Variants in BTK observed in about 807,000 individuals in gnomAD.
The protein encoded by BTK is tyrosine-protein kinase BTK.
In BTK, 5 loss-of-function variants were observed where a neutral mutation model predicts 57.4. The ratio of observed to expected loss-of-function variants is 0.09; its 90% CI spans 0.05 to 0.18. The LOEUF (loss-of-function observed/expected upper bound fraction) is 0.18, where lower values mean the gene tolerates loss of function less well. Ranked by LOEUF, BTK falls within the 10% of genes least tolerant of loss-of-function variation. The probability of loss-of-function intolerance (pLI) is 1.00; values close to 1 mark genes in which losing one functional copy is unlikely to be tolerated. For synonymous variants in BTK, 154 were observed against 174.3 expected (o/e 0.88, Z 0.92); for missense variants, 194 against 501.2 (o/e 0.39, Z 5.85).
At chrX:101,362,824 A>C in intron 5 of BTK, 135 bp from the exon 6 acceptor site, 5 of 905,716 alleles carry the variant, frequency 5.5e-6, no homozygotes, top group Non-Finnish European at 8.0e-6. Context: ...AGAGCAGATC[A>C]CAGGACCAGT....
At chrX:101,363,678 C>T (rs189606844) in intron 5 of BTK, among the ~76,000 whole-genome samples, 1 of 105,342 alleles carries the variant, frequency 9.5e-6, no homozygotes, top group East Asian at 3.0e-4. Flanking sequence ...TGCACTCCAG[C>T]CTGGGTGACA....
chrX:101,356,685 C>T (rs1267028437), intron 14 of BTK, 99 bp downstream of exon 14: 36 of 1,036,913 alleles, frequency 3.5e-5, no homozygotes, highest in Admixed American at 3.1e-4. Context: ...CGTCCCAAAC[C>T]TCTCTTACTG....
At chrX:101,355,994 C>T (rs782571484) in intron 15 of BTK, 58 bp downstream of exon 15, 1 of 1,105,766 alleles carries the variant, frequency 9.0e-7, no homozygotes, top group Non-Finnish European at 1.3e-6. Flanking sequence ...ATATATCTTC[C>T]ACTGCTACTT....
chrX:101,370,278 G>A (rs1418107989), intron 4 of BTK, among the ~76,000 whole-genome samples, 199 bp from the exon 5 acceptor site: 2 of 111,913 alleles, frequency 1.8e-5, no homozygotes, highest in Non-Finnish European at 3.8e-5. Context: ...GGAATGTAGC[G>A]TTTAAAAGCT....
intron 1 of BTK, among the ~76,000 whole-genome samples, chrX:101,385,463 G>C (rs1165045408): frequency 8.9e-6 from 1 of 112,178 alleles, no homozygotes; most frequent in African/African-American, 3.2e-5. Context: ...TTGTTACCAC[G>C]AGGTTGGCAC....
At chrX:101,379,860 T>C (rs1462508321) in intron 1 of BTK, among the ~76,000 whole-genome samples, 1 of 112,309 alleles carries the variant, frequency 8.9e-6, no homozygotes, top group East Asian at 2.8e-4. Flanking sequence ...CTCTGGTAAC[T>C]GTCAACTATA....
intron 13 of BTK, among the ~76,000 whole-genome samples, chrX:101,357,262 TA>T (rs1926513552): frequency 9.0e-6 from 1 of 111,401 alleles, no homozygotes; most frequent in Non-Finnish European, 1.9e-5. Flanking sequence ...TTCCCACAAT[TA>T]AAAATAAAAG....
Position 101,354,700 on chromosome X carries a change from G to A in BTK, c.1567-6C>T. On this transcript the variant is annotated splice_region_variant and splice_polypyrimidine_tract_variant and intron_variant, in intron 15 of 18. Transcript: ENST00000308731. The stretch of plus-strand genomic sequence containing the variant: ...ACCAAACAGTTTCGAGCTGCCTGTA[G>A]TGCAAACAGAGACCAGTGAGACTCC... 8.3e-7 allele frequency: 1 copy of A among 1,210,254 alleles called. No homozygotes were observed. The highest frequency in any genetic ancestry group is 1.8e-5 in the South Asian group (1 of 56,952).
At chrX:101,364,453 A>G (rs1926787400) in intron 5 of BTK, among the ~76,000 whole-genome samples, 1 of 109,877 alleles carries the variant, frequency 9.1e-6, no homozygotes, top group Admixed American at 9.7e-5. Flanking sequence ...GAAACAACTC[A>G]AATCCTTAAG....
At chrX:101,376,921 C>G (rs1248864830) in intron 1 of BTK, among the ~76,000 whole-genome samples, 1 of 111,245 alleles carries the variant, frequency 9.0e-6, no homozygotes, top group African/African-American at 3.3e-5. Flanking sequence ...TTATTTTGCT[C>G]TTTCCTGTGG....
At position 101,356,894 on chromosome X, in the gene BTK, A is replaced by G. The variant is rs150990075; in HGVS notation, c.1239T>C (p.Phe413=). 24 of 1,210,024 alleles carry G rather than the reference A, an allele frequency of 2.0e-5. No individual in the cohort carries two copies. The African/African-American group carries it at 3.3e-4, about 17-fold the overall frequency. Residue 413 remains phenylalanine, a synonymous_variant, in exon 14 of 19, where the codon TTT becomes TTC. Coordinates refer to ENST00000308731, the MANE Select transcript of BTK (RefSeq NM_000061.3). ...TCCATTTCCCATACTTCACTACCCC[A>G]AATTGTCCAGTCCCCAGCTCCTTCA... ...TFLKELGTGQ[F]GVVKYGKWRG...
upstream of BTK, among the ~76,000 whole-genome samples, chrX:101,387,328 C>T (rs1326643968): frequency 3.8e-5 from 4 of 106,432 alleles, no homozygotes; most frequent in African/African-American, 1.4e-4. Context: ...CACCCCCAAG[C>T]CCCAACAGGC....
intron 1 of BTK, among the ~76,000 whole-genome samples, chrX:101,382,205 A>G (rs1480196512): frequency 9.0e-6 from 1 of 111,005 alleles, no homozygotes; most frequent in Non-Finnish European, 1.9e-5. Flanking sequence ...GAAGGCATCA[A>G]GCCAAACTCA....
At chrX:101,352,032 G>A (rs187452420) in intron 18 of BTK, among the ~76,000 whole-genome samples, 2,015 of 108,569 alleles carry the variant, frequency 0.019, 18 homozygotes, top group Non-Finnish European at 0.03. Context: ...GCGTGGTGGC[G>A]GGCCCCTGTA....
intron 3 of BTK, among the ~76,000 whole-genome samples, chrX:101,372,073 A>T (rs6523489): frequency 0.22 from 24,609 of 111,155 alleles, 2,416 homozygotes; most frequent in South Asian, 0.39. Context: ...ACTATGAATG[A>T]CTGAGAGTAA....
chrX:101,376,717 G>C (rs1437191946), intron 1 of BTK, among the ~76,000 whole-genome samples: 3 of 107,615 alleles, frequency 2.8e-5, no homozygotes, highest in African/African-American at 1.0e-4. Flanking sequence ...TTAGTGGTAG[G>C]GATTTTTCCT....
At chrX:101,352,681 C>G (rs782747132) in intron 18 of BTK, among the ~76,000 whole-genome samples, 26 of 111,328 alleles carry the variant, frequency 2.3e-4, no homozygotes, top group African/African-American at 7.8e-4. Context: ...GGTGGATCAC[C>G]TGAGGTCAGG....
intron 3 of BTK, among the ~76,000 whole-genome samples, chrX:101,373,018 G>T (rs1181222833): frequency 9.2e-6 from 1 of 108,628 alleles, no homozygotes; most frequent in East Asian, 2.9e-4. Flanking sequence ...GGAGGCAGAG[G>T]TTACAGTGAG....
At chrX:101,361,000 G>T (rs1287558288) in intron 7 of BTK, among the ~76,000 whole-genome samples, 1 of 111,095 alleles carries the variant, frequency 9.0e-6, no homozygotes, top group Non-Finnish European at 1.9e-5. Flanking sequence ...CGGATCAGTT[G>T]AGGCCAGGAG....
Sources: gnomAD v4.1 joint callset for allele counts (sites outside exome capture counted in the v4.1 genomes callset) on GRCh38, gnomAD v4.1.1 for gene constraint, MANE v1.5 for transcripts, NCBI Gene and HGNC (gene_info 2026-07-23, HGNC 2026-07-21) for gene names.